ADARB2: variants seen among roughly 807,000 people sequenced by gnomAD.
ADARB2 encodes the protein adenosine deaminase RNA specific B2 (inactive).
Under a neutral mutation model 62.2 loss-of-function variants are expected in ADARB2, and 25 were observed. The ratio of observed to expected loss-of-function variants is 0.40; its 90% CI spans 0.29 to 0.56. The LOEUF is 0.56. Among genes scored for constraint, ADARB2 ranks in the 20% least tolerant of loss-of-function variants. ADARB2 has a pLI of 0.43. For synonymous variants in ADARB2, 572 were observed against 500.8 expected, an observed-to-expected ratio of 1.14 and a Z score of -1.90; for missense variants, 1,071 against 1,077.4, an observed-to-expected ratio of 0.99 and a Z score of 0.08.
intron 4 of ADARB2, among the ~76,000 whole-genome samples, chr10:1,247,715 GC>G: frequency 6.6e-6 from 1 of 152,266 alleles, no homozygotes; most frequent in Middle Eastern, 3.4e-3. Flanking sequence ...AGATAAACAC[GC>G]TTTTCTTAAC....
chr10:1,675,590 G>T (rs1210929872), intron 1 of ADARB2, among the ~76,000 whole-genome samples: 1 of 151,254 alleles, frequency 6.6e-6, no homozygotes, highest in Non-Finnish European at 1.5e-5. Flanking sequence ...ATGCACGGAA[G>T]TTCTGGAGGC....
intron 1 of ADARB2, among the ~76,000 whole-genome samples, chr10:1,645,426 C>A (rs1834027581): frequency 1.3e-5 from 2 of 152,214 alleles, no homozygotes; most frequent in Non-Finnish European, 2.9e-5. Context: ...CCCTGCAGTG[C>A]CATTGCCTAG....
At chr10:1,697,825 C>T (rs995810114) in intron 1 of ADARB2, among the ~76,000 whole-genome samples, 8 of 152,152 alleles carry the variant, frequency 5.3e-5, no homozygotes, top group South Asian at 4.1e-4. Context: ...CCAAATGCCC[C>T]GACTCCCTGC....
chr10:1,363,576 CCTT>C lies in ADARB2; in HGVS notation c.526_528del (p.Lys176del), dbSNP rs780779536. 2.5e-6 allele frequency: 4 copies of C among 1,585,412 alleles called. No individual in the cohort carries two copies. The highest frequency in any genetic ancestry group is 1.4e-5 in the African/African-American group (1 of 72,284). ...GCCAGCTCCGCCGCGCGCATCTTGGCCTTCTTCTTGGTGGGGCCTGTGCCCTCG... is the reference window on the plus strand; with the variant it reads ...GCCAGCTCCGCCGCGCGCATCTTGGCCTTCTTGGTGGGGCCTGTGCCCTCG... On this transcript the variant is annotated inframe_deletion, in exon 3 of 10. Transcript: ENST00000381312.
At position 1,671,326 on chromosome 10, in the gene ADARB2, C is replaced by T. The variant is rs573756848; in HGVS notation, c.100+65725G>A. Among the ~76,000 whole-genome samples, 69 of 152,304 alleles carry T rather than the reference C, an allele frequency of 4.5e-4. 1 individual carries two copies. The highest frequency in any genetic ancestry group is 1.7e-3 in the African/African-American group (69 of 41,560). On this transcript the variant is annotated intron_variant, in intron 1 of 9. Coordinates refer to ENST00000381312, the MANE Select transcript of ADARB2 (RefSeq NM_018702.4). ...CCAGCAGAGCACCTCACCACGGTTG[C>T]CCCAGGAAAGGATGCATGTGTGGTT... is the stretch of plus-strand genomic sequence containing the variant.
At chr10:1,663,517 T>C (rs1265149546) in intron 1 of ADARB2, among the ~76,000 whole-genome samples, 1 of 152,198 alleles carries the variant, frequency 6.6e-6, no homozygotes, top group Non-Finnish European at 1.5e-5. Flanking sequence ...CAGAACATCA[T>C]AGAGTTGAAA....
At chr10:1,385,055 G>T (rs775824518) in intron 1 of ADARB2, among the ~76,000 whole-genome samples, 1 of 152,108 alleles carries the variant, frequency 6.6e-6, no homozygotes, top group Admixed American at 6.6e-5. Flanking sequence ...GTGAACATGC[G>T]CTAACAAAGA....
chr10:1,716,085 C>G (rs950942428), intron 1 of ADARB2, among the ~76,000 whole-genome samples: 1 of 152,204 alleles, frequency 6.6e-6, no homozygotes, highest in Non-Finnish European at 1.5e-5. Context: ...ACTCCTCTCC[C>G]GATTGCTAAC....
intron 9 of ADARB2, among the ~76,000 whole-genome samples, chr10:1,183,608 C>T (rs882311): frequency 0.67 from 101,363 of 152,060 alleles, 33,976 homozygotes; most frequent in Middle Eastern, 0.79. Context: ...TTGACTGCTA[C>T]TAAAAGTATG....
chr10:1,285,541 T>G (rs920794327), intron 3 of ADARB2, among the ~76,000 whole-genome samples: 2 of 152,184 alleles, frequency 1.3e-5, no homozygotes, highest in Admixed American at 6.5e-5. Context: ...TACACAATAG[T>G]GATAACCAGG....
rs1832636922 is a variant in ADARB2, at chr10:1,398,729, C to T, written c.101-19569G>A. Among the ~76,000 whole-genome samples the T allele has an allele frequency of 6.6e-6, 1 of 152,204 alleles. No individual in the cohort carries two copies. On this transcript the variant is annotated intron_variant, in intron 1 of 9. Transcript: ENST00000381312. This position sits in a 1 kb window ranked among gnomAD's most constrained non-coding sequence, Gnocchi z 4.1. ...AGATGGAGAAGAGACTTTCGTGCCT[C>T]TGACCCTCAAATTACCCAGCTCTCG...
Position 1,518,169 on chromosome 10 carries a change from G to A in ADARB2, c.101-139009C>T, listed in dbSNP as rs1041588329. Among the ~76,000 whole-genome samples the A allele has an allele frequency of 3.9e-5, 6 of 152,184 alleles. No homozygotes were observed. In the South Asian group the frequency reaches 1.0e-3, roughly 26 times the overall value. On this transcript the variant is annotated intron_variant, in intron 1 of 9. Transcript: ENST00000381312. ...GAGAGCGATGGATCCGAAACTCCCC[G>A]ATCAGATCAGAAGATACTGTGTTGG...
At chr10:1,314,404 C>T (rs1342852501) in intron 3 of ADARB2, among the ~76,000 whole-genome samples, 6 of 152,108 alleles carry the variant, frequency 3.9e-5, no homozygotes, top group Non-Finnish European at 7.4e-5. Flanking sequence ...AGTCAGCAGA[C>T]GGGCCCTGCC....
chr10:1,385,508 T>C (rs933496996), intron 1 of ADARB2, among the ~76,000 whole-genome samples: 11 of 150,048 alleles, frequency 7.3e-5, no homozygotes, highest in African/African-American at 2.5e-4. Flanking sequence ...AAAAATTTAC[T>C]GGATGGGTTT....
intron 1 of ADARB2, among the ~76,000 whole-genome samples, chr10:1,406,338 C>T (rs761674765): frequency 4.9e-4 from 74 of 152,222 alleles, no homozygotes; most frequent in Middle Eastern, 3.2e-3. Context: ...TGTCTGTGAT[C>T]ACCTTGCCAA....
At chr10:1,562,735 G>A (rs1832801937) in intron 1 of ADARB2, among the ~76,000 whole-genome samples, 1 of 152,222 alleles carries the variant, frequency 6.6e-6, no homozygotes, top group African/African-American at 2.4e-5. Flanking sequence ...CTGCCATGAT[G>A]GGCAGGCCAC....
chr10:1,205,192 C>T (rs570427728), intron 7 of ADARB2, among the ~76,000 whole-genome samples: 11 of 152,182 alleles, frequency 7.2e-5, no homozygotes, highest in Non-Finnish European at 1.2e-4. Context: ...CCTCGGCTGG[C>T]GCCACGTGGA....
In ADARB2 at chr10:1,327,994, C is replaced by T. The variant is rs994874172; in HGVS notation, c.1077+35034G>A. Among the ~76,000 whole-genome samples the T allele has an allele frequency of 2.0e-5, 3 of 152,284 alleles. No individual in the cohort carries two copies. In the South Asian group the frequency reaches 6.2e-4, roughly 32 times the overall value. ...AGCGCCTCCTCACAGCGCCTCCCCACAGCAAGGCGCCTCCGCATTCTGGGG... is the reference window on the plus strand; with the variant it reads ...AGCGCCTCCTCACAGCGCCTCCCCATAGCAAGGCGCCTCCGCATTCTGGGG... On this transcript the variant is annotated intron_variant, in intron 3 of 9. Coordinates refer to ENST00000381312, the MANE Select transcript of ADARB2 (RefSeq NM_018702.4).
At chr10:1,518,019 T>C (rs1041924843) in intron 1 of ADARB2, among the ~76,000 whole-genome samples, 5 of 152,072 alleles carry the variant, frequency 3.3e-5, no homozygotes, top group African/African-American at 1.2e-4. Flanking sequence ...CACTCTGAAA[T>C]AGGCCTTCTT....
Sources: gnomAD v4.1 joint callset for allele counts (sites outside exome capture counted in the v4.1 genomes callset) on GRCh38, gnomAD v4.1.1 for gene constraint, Gnocchi (gnomAD v3.1) non-coding constraint, MANE v1.5 for transcripts, NCBI Gene and HGNC (gene_info 2026-07-23, HGNC 2026-07-21) for gene names.